The following TBC1D5 variants were observed in gnomAD, a reference collection of about 807,000 sequenced individuals.
TBC1D5 encodes the protein TBC1 domain family, member 5.
A neutral mutation model predicts 100.3 loss-of-function variants in TBC1D5; 75 were observed. That is an observed-to-expected ratio of 0.75 (90% confidence interval 0.62 to 0.91). TBC1D5 has a LOEUF of 0.91. Ranked by LOEUF, TBC1D5 falls within the 40% of genes least tolerant of loss-of-function variation. TBC1D5 has a pLI of 0.00. For missense variants in TBC1D5, 910 were observed against 942.4 expected, an observed-to-expected ratio of 0.97 and a Z score of 0.45; for synonymous variants, 323 against 325.6, an observed-to-expected ratio of 0.99 and a Z score of 0.09.
intron 3 of TBC1D5, among the ~76,000 whole-genome samples, chr3:17,457,034 G>A (rs780625637): frequency 6.6e-6 from 1 of 152,028 alleles, no homozygotes; most frequent in Admixed American, 6.5e-5. Flanking sequence ...AAATATTTTG[G>A]GGGGTAGAAT....
At chr3:17,527,727 G>C (rs1224819361) in intron 2 of TBC1D5, among the ~76,000 whole-genome samples, 1 of 151,918 alleles carries the variant, frequency 6.6e-6, no homozygotes, top group South Asian at 2.1e-4. Context: ...AGTAAAAAAA[G>C]AAACCAAAAA....
At chr3:17,355,661 T>C (rs760962819) in intron 13 of TBC1D5, among the ~76,000 whole-genome samples, 4 of 152,040 alleles carry the variant, frequency 2.6e-5, no homozygotes, top group Non-Finnish European at 4.4e-5. Flanking sequence ...TTTTTAAATA[T>C]ACCAAAATTT....
chr3:17,531,685 T>G (rs1481159005), intron 2 of TBC1D5, among the ~76,000 whole-genome samples: 1 of 152,142 alleles, frequency 6.6e-6, no homozygotes, highest in South Asian at 2.1e-4. Context: ...ATGCCACATA[T>G]CTACAACTAT....
intron 1 of TBC1D5, among the ~76,000 whole-genome samples, chr3:17,656,822 C>G (rs1006662705): frequency 8.9e-6 from 1 of 111,900 alleles, no homozygotes; most frequent in Non-Finnish European, 1.9e-5. Flanking sequence ...ATCAAACATA[C>G]AGATGAATAT....
At chr3:17,276,360 T>G (rs1020923191) in intron 15 of TBC1D5, among the ~76,000 whole-genome samples, 1 of 152,144 alleles carries the variant, frequency 6.6e-6, no homozygotes, top group Non-Finnish European at 1.5e-5. Context: ...CATCTGAATT[T>G]TGGGAAACAC....
At chr3:17,390,873 G>T (rs763832769) in intron 8 of TBC1D5, among the ~76,000 whole-genome samples, 110 of 152,172 alleles carry the variant, frequency 7.2e-4, no homozygotes, top group Admixed American at 1.8e-3. Flanking sequence ...ATTTTGGTTG[G>T]TAATTTCCAT....
intron 2 of TBC1D5, among the ~76,000 whole-genome samples, chr3:17,546,269 C>A (rs953763126): frequency 6.6e-6 from 1 of 152,052 alleles, no homozygotes; most frequent in African/African-American, 2.4e-5. Flanking sequence ...ATCTAAGATT[C>A]CAAAATTATA....
At chr3:17,447,077 T>C (rs1034527468) in intron 3 of TBC1D5, among the ~76,000 whole-genome samples, 1 of 152,086 alleles carries the variant, frequency 6.6e-6, no homozygotes, top group Non-Finnish European at 1.5e-5. Context: ...AGTCAAGAAT[T>C]TAGGATGTTA....
At chr3:17,436,011 C>T (rs748678928) in intron 3 of TBC1D5, among the ~76,000 whole-genome samples, 6 of 152,122 alleles carry the variant, frequency 3.9e-5, no homozygotes, top group Admixed American at 6.5e-5. Context: ...GGGTGGGGGT[C>T]TATATAAATA....
chr3:17,618,915 C>A (rs2062417334), intron 2 of TBC1D5, among the ~76,000 whole-genome samples: 1 of 152,196 alleles, frequency 6.6e-6, no homozygotes, highest in African/African-American at 2.4e-5. Context: ...CACCCACTGT[C>A]CAACCAGTCC....
intron 3 of TBC1D5, among the ~76,000 whole-genome samples, chr3:17,474,923 C>T (rs1311336193): frequency 6.6e-6 from 1 of 151,814 alleles, no homozygotes; most frequent in Non-Finnish European, 1.5e-5. Flanking sequence ...TTTAACGTAA[C>T]AATGTGGAAG....
At chr3:17,399,426 C>T (rs1217048861) in intron 8 of TBC1D5, among the ~76,000 whole-genome samples, 1 of 152,098 alleles carries the variant, frequency 6.6e-6, no homozygotes, top group East Asian at 1.9e-4. Context: ...GAGAAAACTA[C>T]ACATAATGAT....
chr3:17,229,367 A>C (rs2075216466), intron 17 of TBC1D5, among the ~76,000 whole-genome samples: 1 of 152,202 alleles, frequency 6.6e-6, no homozygotes, highest in South Asian at 2.1e-4. Context: ...GTGAACAGAC[A>C]CAGGTTGTAC....
chr3:17,687,230 T>TA (rs11418124), intron 1 of TBC1D5, among the ~76,000 whole-genome samples: 7,608 of 152,130 alleles, frequency 0.05, 608 homozygotes, highest in African/African-American at 0.17. Context: ...TCTACAGTCA[T>TA]AAAAAATGTT....
intron 3 of TBC1D5, among the ~76,000 whole-genome samples, chr3:17,487,827 T>C (rs2095589446): frequency 6.6e-6 from 1 of 152,156 alleles, no homozygotes; most frequent in South Asian, 2.1e-4. Context: ...ATAGATTTTA[T>C]TATTTTTAAA....
At chr3:17,695,328 C>T (rs2071859145) in intron 1 of TBC1D5, among the ~76,000 whole-genome samples, 1 of 152,178 alleles carries the variant, frequency 6.6e-6, no homozygotes, top group African/African-American at 2.4e-5. Flanking sequence ...CAAGACCCAT[C>T]ACTGGGCTGT....
intron 2 of TBC1D5, among the ~76,000 whole-genome samples, chr3:17,537,178 T>C (rs1401017375): frequency 6.6e-6 from 1 of 152,166 alleles, no homozygotes; most frequent in Non-Finnish European, 1.5e-5. Context: ...CAGGGCCCAC[T>C]ATCTGTCATT....
intron 1 of TBC1D5, among the ~76,000 whole-genome samples, chr3:17,649,284 A>T (rs1341263607): frequency 1.3e-5 from 2 of 152,146 alleles, no homozygotes; most frequent in African/African-American, 4.8e-5. Context: ...ACTTATGAAC[A>T]CAAAGAAGGA....
At chr3:17,658,672 T>G (rs1224139946) in intron 1 of TBC1D5, among the ~76,000 whole-genome samples, 1 of 152,192 alleles carries the variant, frequency 6.6e-6, no homozygotes, top group Non-Finnish European at 1.5e-5. Context: ...ATAGCTTTTT[T>G]TTTAGACAGG....
Sources: allele counts gnomAD v4.1 joint callset (sites outside exome capture counted in the v4.1 genomes callset), GRCh38; gene constraint gnomAD v4.1.1; transcripts MANE v1.5; gene names NCBI Gene and HGNC (gene_info 2026-07-23, HGNC 2026-07-21).